TRPM2: variants seen among roughly 807,000 people sequenced by gnomAD.
The protein encoded by TRPM2 is estrogen-responsive element-associated gene 1 protein.
In TRPM2, 161 loss-of-function variants were observed where a neutral mutation model predicts 174.0. The observed-to-expected ratio is 0.93, with a 90% CI of 0.81 to 1.05. The LOEUF (loss-of-function observed/expected upper bound fraction) is 1.05. TRPM2 is among the 50% of genes least tolerant of loss of function. The pLI, the probability that TRPM2 is intolerant of heterozygous loss-of-function variation, is 0.00. For synonymous variants in TRPM2, 954 were observed against 861.3 expected, an observed-to-expected ratio of 1.11 and a Z score of -1.88; for missense variants, 2,057 against 2,038.0, an observed-to-expected ratio of 1.01 and a Z score of -0.18.
rs9982220 is a variant in TRPM2 at position 44,367,876 on chromosome 21, C to A, written c.604+942C>A. Among the ~76,000 whole-genome samples the A allele has an allele frequency of 0.035, 5,198 of 146,614 alleles. 266 individuals are homozygous for A. The highest frequency in any genetic ancestry group is 0.12 in the African/African-American group (4,381 of 36,176). On this transcript the variant is annotated intron_variant, in intron 4 of 31. Coordinates refer to ENST00000397928, the MANE Select transcript of TRPM2 (RefSeq NM_003307.4). The surrounding 1 kb of genome is among the most constrained non-coding windows in gnomAD (Gnocchi z 4.6). ...CAGCCCTGCTTGTAAAATGACCAGA[C>A]CTTTTCTCAGCCTGGTCACATGGGA...
rs187303583 is a variant in TRPM2 at position 44,418,641 on chromosome 21, C to G, written c.3461+86C>G. Reference sequence around the variant, plus strand: ...CAGGCACCATGAGTACATGTCCCACCTGGGGAGGCCCAGCAATGCCTCACC... The same window carrying G: ...CAGGCACCATGAGTACATGTCCCACGTGGGGAGGCCCAGCAATGCCTCACC... On this transcript the variant is annotated intron_variant, in intron 22 of 31. Transcript: ENST00000397928. The G allele has an allele frequency of 1.0e-5, 16 of 1,533,510 alleles. 1 individual carries two copies. The East Asian group carries it at 3.2e-4, about 30-fold the overall frequency. 95.0% of individuals were successfully genotyped at this position (1,533,510 alleles called of 1,614,324 possible).
chr21:44,437,000 C>A lies in TRPM2; in HGVS notation c.4062-62C>A, dbSNP rs1043077034. 6 of 1,471,004 alleles carry A rather than the reference C, an allele frequency of 4.1e-6. No homozygotes were observed. In the African/African-American group the frequency reaches 4.2e-5, roughly 10 times the overall value. The allele number at this position is 1,471,004 out of a possible 1,614,324, so 91.1% of individuals were successfully genotyped here. On this transcript the variant is annotated intron_variant, in intron 28 of 31. Coordinates refer to ENST00000397928, the MANE Select transcript of TRPM2 (RefSeq NM_003307.4). ...GCCCCAGGCAGGGCCAGCCCCGCCG[C>A]GGCGCAGGGGAGGGTGGAGGCCGCA...
chr21:44,417,952 C>T lies in TRPM2; in HGVS notation c.3172C>T (p.His1058Tyr). Reference protein sequence around the residue: ...FNYTFQQVQEHTDQIWKFQRH... With the variant: ...FNYTFQQVQEYTDQIWKFQRH... ...CTACACCTTCCAGCAGGTGCAGGAGCACACGGACCAGATTTGGAAGTTCCA... is the reference window on the plus strand; with the variant it reads ...CTACACCTTCCAGCAGGTGCAGGAGTACACGGACCAGATTTGGAAGTTCCA... The change falls in exon 21 of 32, where the codon CAC becomes TAC. Residue 1058 changes from histidine (H) to tyrosine (Y), a missense_variant. His to Tyr is a moderately conservative substitution (Grantham distance 83). Coordinates refer to ENST00000397928, the MANE Select transcript of TRPM2 (RefSeq NM_003307.4). The T allele has an allele frequency of 6.2e-7, 1 of 1,612,654 alleles. No individual in the cohort carries two copies.
At chr21:44,417,314 G>A (rs1274500460) in intron 20 of TRPM2, among the ~76,000 whole-genome samples, 2 of 130,754 alleles carry the variant, frequency 1.5e-5, no homozygotes, top group South Asian at 5.5e-4. Context: ...GCACAAGGGC[G>A]TGGCTCTGCT....
intron 8 of TRPM2, among the ~76,000 whole-genome samples, chr21:44,379,773 C>G (rs2048825172): frequency 6.6e-6 from 1 of 152,226 alleles, no homozygotes; most frequent in Non-Finnish European, 1.5e-5. Flanking sequence ...GGGGGGTGGG[C>G]TCCAGTGGAG....
chr21:44,380,378 C>T (rs1202181934), intron 8 of TRPM2, among the ~76,000 whole-genome samples: 2 of 152,196 alleles, frequency 1.3e-5, no homozygotes, highest in Non-Finnish European at 2.9e-5. Context: ...GGGCGGCTTT[C>T]CTTCCTTCCC....
chr21:44,430,136 A>T (rs1460794353), intron 27 of TRPM2, among the ~76,000 whole-genome samples: 1 of 152,204 alleles, frequency 6.6e-6, no homozygotes, highest in African/African-American at 2.4e-5. Context: ...TATTTAACGT[A>T]CTGCTGGAGT....
intron 24 of TRPM2, 64 bp downstream of exon 24, chr21:44,425,003 G>T: frequency 3.5e-6 from 5 of 1,439,956 alleles, no homozygotes; most frequent in Non-Finnish European, 4.7e-6. Context: ...TCTGGGGTCA[G>T]TTGGGAGGAG....
intron 27 of TRPM2, among the ~76,000 whole-genome samples, chr21:44,428,011 C>A (rs2050869135): frequency 6.6e-6 from 1 of 152,152 alleles, no homozygotes; most frequent in Admixed American, 6.5e-5. Flanking sequence ...GCGTGAGCAC[C>A]TGCTCTCACG....
intron 27 of TRPM2, 26 bp downstream of exon 27, chr21:44,427,137 C>A: frequency 6.5e-7 from 1 of 1,541,324 alleles, no homozygotes. Flanking sequence ...GCGGGCCCCG[C>A]CCCGTCAGCC....
chr21:44,409,833 C>T (rs1379709861), intron 19 of TRPM2, among the ~76,000 whole-genome samples: 2 of 137,836 alleles, frequency 1.5e-5, no homozygotes, highest in African/African-American at 5.5e-5. Context: ...TCTTGGTGAG[C>T]GTAGCCTTGT....
chr21:44,374,781 C>A (rs1414436079), intron 5 of TRPM2, among the ~76,000 whole-genome samples: 2 of 152,172 alleles, frequency 1.3e-5, no homozygotes, highest in Non-Finnish European at 2.9e-5. Flanking sequence ...GTTCACCCAC[C>A]ACCCACCTCC....
intron 28 of TRPM2, among the ~76,000 whole-genome samples, chr21:44,435,789 T>G (rs2051229869): frequency 8.4e-6 from 1 of 118,958 alleles, no homozygotes; most frequent in African/African-American, 3.4e-5. Context: ...AGCCCCACAC[T>G]CACCCCTCAG....
chr21:44,435,801 CT>C (rs2051231244), intron 28 of TRPM2, among the ~76,000 whole-genome samples: 1 of 137,556 alleles, frequency 7.3e-6, no homozygotes, highest in Non-Finnish European at 1.6e-5. Context: ...ACCCCTCAGA[CT>C]CACTCTCCAC....
intron 13 of TRPM2, among the ~76,000 whole-genome samples, chr21:44,398,270 G>A (rs1164710418): frequency 2.0e-5 from 3 of 150,256 alleles, no homozygotes; most frequent in Non-Finnish European, 1.5e-5. Flanking sequence ...GCACAATCTC[G>A]GCTCACTACA....
At chr21:44,382,129 A>C (rs1482087388) in intron 8 of TRPM2, among the ~76,000 whole-genome samples, 3 of 152,072 alleles carry the variant, frequency 2.0e-5, no homozygotes, top group East Asian at 3.9e-4. Flanking sequence ...AGATAGATAC[A>C]TGTGGATGGA....
chr21:44,396,563 AAG>A (rs2049415467), intron 12 of TRPM2, among the ~76,000 whole-genome samples: 1 of 7,370 alleles, frequency 1.4e-4, no homozygotes, highest in African/African-American at 8.4e-4. Flanking sequence ...GGAGGCTGTG[AAG>A]GGGTGTGGAG....
At chr21:44,377,917 A>G in intron 7 of TRPM2, 144 bp downstream of exon 7, 2 of 999,924 alleles carry the variant, frequency 2.0e-6, no homozygotes, top group East Asian at 2.6e-5. Flanking sequence ...AAGAGCATCT[A>G]CGCTGTGTCG....
chr21:44,433,275 G>A (rs2051097373), intron 27 of TRPM2, among the ~76,000 whole-genome samples: 1 of 152,232 alleles, frequency 6.6e-6, no homozygotes, highest in Non-Finnish European at 1.5e-5. Context: ...TTCCTGTGGG[G>A]GTGGACTCAT....
Sources: gnomAD v4.1 joint callset for allele counts (sites outside exome capture counted in the v4.1 genomes callset) on GRCh38, gnomAD v4.1.1 for gene constraint, Gnocchi (gnomAD v3.1) non-coding constraint, MANE v1.5 for transcripts, NCBI Gene and HGNC (gene_info 2026-07-23, HGNC 2026-07-21) for gene names.